Variants in LINGO1 observed in about 807,000 individuals in gnomAD.
LINGO1 encodes leucine rich repeat and Ig domain containing 1.
A neutral mutation model predicts 37.3 loss-of-function variants in LINGO1; 11 were observed. The observed-to-expected ratio is 0.29, with a 90% CI of 0.19 to 0.49. The LOEUF (loss-of-function observed/expected upper bound fraction) is 0.49, where lower values mean the gene tolerates loss of function less well. Ranked by LOEUF, LINGO1 falls within the 20% of genes least tolerant of loss-of-function variation. The probability of loss-of-function intolerance (pLI) is 0.99; values close to 1 mark genes in which losing one functional copy is unlikely to be tolerated. For synonymous variants in LINGO1, 387 were observed against 403.0 expected, an observed-to-expected ratio of 0.96 and a Z score of 0.48; for missense variants, 585 against 878.2, an observed-to-expected ratio of 0.67 and a Z score of 4.22.
In LINGO1 at chr15:77,655,815, C is replaced by T. The variant is rs1244070953; in HGVS notation, c.-13+21274G>A. Among the ~76,000 whole-genome samples the T allele has an allele frequency of 3.3e-5, 5 of 152,190 alleles. No individual in the cohort carries two copies. In the East Asian group the frequency reaches 5.8e-4, roughly 18 times the overall value. On this transcript the variant is annotated intron_variant, in intron 3 of 3. Coordinates refer to the LINGO1 transcript ENST00000559893. ...GACGGTGGGGCTGATGGGTGGACAC[C>T]GGCCTCTCCTGCCAGCTCCCCACCT...
chr15:77,699,414 G>C (rs545195814), upstream of LINGO1, among the ~76,000 whole-genome samples: 277 of 107,464 alleles, frequency 2.6e-3, no homozygotes, highest in African/African-American at 9.3e-3. Context: ...CCCACACACA[G>C]TAAGTGCATA....
chr15:77,617,609 A>T (rs1380154423), intron 1 of LINGO1, among the ~76,000 whole-genome samples: 1 of 152,142 alleles, frequency 6.6e-6, no homozygotes, highest in African/African-American at 2.4e-5. Flanking sequence ...CACCTCACAC[A>T]GCCCCTGCTT....
chr15:77,786,236 G>A lies in LINGO1; in HGVS notation c.-257+633C>T, dbSNP rs529554693. On this transcript the variant is annotated intron_variant, in intron 1 of 3. Coordinates refer to the LINGO1 transcript ENST00000561686. Reference sequence around the variant, plus strand: ...CCCAACTGATCCTCACCACCCCTCAGGGAGGTTAGTATGCCACTTGGGAGG... The same window carrying A: ...CCCAACTGATCCTCACCACCCCTCAAGGAGGTTAGTATGCCACTTGGGAGG... Among the ~76,000 whole-genome samples, 3 of 152,270 alleles carry A rather than the reference G, an allele frequency of 2.0e-5. 1 individual carries two copies. The highest frequency in any genetic ancestry group is 7.2e-5 in the African/African-American group (3 of 41,554).
At chr15:77,776,194 C>CCAG (rs200174040) in intron 1 of LINGO1, among the ~76,000 whole-genome samples, 2,267 of 145,484 alleles carry the variant, frequency 0.016, 60 homozygotes, top group African/African-American at 0.054. Flanking sequence ...GTAAATATTA[C>CCAG]GTCTTCCCTG....
upstream of LINGO1, chr15:77,788,811 C>T (rs2076795863): frequency 6.6e-6 from 1 of 152,260 alleles, no homozygotes; most frequent in Admixed American, 6.5e-5. Context: ...TGAGGGCACC[C>T]TGCTAAGAGG....
At chr15:77,707,921 G>A (rs1234270357) in intron 2 of LINGO1, among the ~76,000 whole-genome samples, 1 of 152,124 alleles carries the variant, frequency 6.6e-6, no homozygotes, top group Non-Finnish European at 1.5e-5. Flanking sequence ...AGAAGAAAAG[G>A]GGCTGGAAAG....
chr15:77,629,808 G>C (rs1300703814), intron 1 of LINGO1, among the ~76,000 whole-genome samples: 4 of 152,202 alleles, frequency 2.6e-5, no homozygotes, highest in Non-Finnish European at 5.9e-5. Context: ...AGGATGTGCA[G>C]AACAAATGCA....
intron 2 of LINGO1, among the ~76,000 whole-genome samples, chr15:77,681,736 C>T (rs763071386): frequency 1.3e-5 from 2 of 151,606 alleles, no homozygotes; most frequent in Non-Finnish European, 2.9e-5. Flanking sequence ...GAAGAGCTGG[C>T]ACAGGAATGA....
At chr15:77,738,421 C>T (rs1186839243) in intron 1 of LINGO1, among the ~76,000 whole-genome samples, 1 of 152,168 alleles carries the variant, frequency 6.6e-6, no homozygotes, top group Non-Finnish European at 1.5e-5. Flanking sequence ...GGGCCAGTCT[C>T]AGGGTTTTTG....
At chr15:77,723,415 G>A (rs1039944246) in intron 2 of LINGO1, among the ~76,000 whole-genome samples, 1 of 152,198 alleles carries the variant, frequency 6.6e-6, no homozygotes, top group African/African-American at 2.4e-5. Flanking sequence ...CAGGATGAAG[G>A]CGGTGGATAA....
intron 2 of LINGO1, among the ~76,000 whole-genome samples, chr15:77,682,622 C>T (rs923619174): frequency 6.6e-6 from 1 of 152,112 alleles, no homozygotes; most frequent in Non-Finnish European, 1.5e-5. Context: ...CATCCTATCA[C>T]CACAGTCAGC....
intron 1 of LINGO1, among the ~76,000 whole-genome samples, chr15:77,749,341 T>A (rs547074438): frequency 1.2e-3 from 177 of 151,720 alleles, no homozygotes; most frequent in African/African-American, 4.2e-3. Flanking sequence ...ACAAGCCCAA[T>A]GCCATTCCCC....
Position 77,695,066 on chromosome 15 carries a change from G to T in LINGO1, c.-281+1325C>A, listed in dbSNP as rs192299835. Among the ~76,000 whole-genome samples, 7 of 152,330 alleles carry T rather than the reference G, an allele frequency of 4.6e-5. No homozygotes were observed. In the East Asian group the frequency reaches 1.4e-3, roughly 29 times the overall value. ...CAGGATAGTCTTGAGGGCCAAGTGG[G>T]AGCATCTCACTTTTCAGGTGAGGCA... On this transcript the variant is annotated intron_variant, in intron 1 of 3. Coordinates refer to the LINGO1 transcript ENST00000559893.
At chr15:77,664,170 T>TGTGTGCGCGCGTGCGC in intron 3 of LINGO1, among the ~76,000 whole-genome samples, 4 of 130,946 alleles carry the variant, frequency 3.1e-5, no homozygotes, top group Non-Finnish European at 6.2e-5. Flanking sequence ...TGTGTGTGTG[T>TGTGTGCGCGCGTGCGC]GCGCGCGCGC....
intron 1 of LINGO1, among the ~76,000 whole-genome samples, chr15:77,622,762 G>C (rs981670382): frequency 2.6e-5 from 4 of 152,210 alleles, no homozygotes; most frequent in African/African-American, 4.8e-5. Context: ...ACCCCAGCCC[G>C]GGTTTTTCCT....
At chr15:77,680,747 C>G (rs943802987) in intron 2 of LINGO1, among the ~76,000 whole-genome samples, 1 of 152,218 alleles carries the variant, frequency 6.6e-6, no homozygotes, top group East Asian at 1.9e-4. Context: ...GGGTCCAAGA[C>G]CAGCTCCCAG....
intron 1 of LINGO1, chr15:77,784,557 C>T (rs1320065051): frequency 6.6e-6 from 1 of 152,290 alleles, no homozygotes; most frequent in Non-Finnish European, 1.5e-5. Flanking sequence ...TGGGTGCCCT[C>T]CCATACATCC....
chr15:77,764,078 G>A (rs746671196), intron 1 of LINGO1, among the ~76,000 whole-genome samples: 2 of 152,174 alleles, frequency 1.3e-5, no homozygotes, highest in Non-Finnish European at 2.9e-5. Flanking sequence ...ATCAAGTAAC[G>A]CATTTTCCCC....
At chr15:77,639,184 T>C (rs573254053), upstream of LINGO1, among the ~76,000 whole-genome samples, 7 of 152,238 alleles carry the variant, frequency 4.6e-5, no homozygotes, top group Admixed American at 1.3e-4. Flanking sequence ...ATGGGAGCCT[T>C]GTGAGAGGCC....
Sources: allele counts gnomAD v4.1 joint callset (sites outside exome capture counted in the v4.1 genomes callset), GRCh38; gene constraint gnomAD v4.1.1; transcripts MANE v1.5; gene names NCBI Gene and HGNC (gene_info 2026-07-23, HGNC 2026-07-21).